The following SYNPO2 variants were observed in gnomAD, a reference collection of about 807,000 sequenced individuals.
SYNPO2 encodes the protein synaptopodin-2.
A neutral mutation model predicts 85.0 loss-of-function variants in SYNPO2; 56 were observed. The observed-to-expected ratio is 0.66, with a 90% CI of 0.53 to 0.82. The LOEUF (loss-of-function observed/expected upper bound fraction) is 0.82, where lower values mean the gene tolerates loss of function less well. SYNPO2 is among the 40% of genes least tolerant of loss of function. The probability of loss-of-function intolerance (pLI) is 0.00; values close to 1 mark genes in which losing one functional copy is unlikely to be tolerated. For synonymous variants in SYNPO2, 602 were observed against 591.1 expected, an observed-to-expected ratio of 1.02 and a Z score of -0.27; for missense variants, 1,575 against 1,534.2, an observed-to-expected ratio of 1.03 and a Z score of -0.44.
intron 4 of SYNPO2, chr4:119,037,355 A>C: frequency 8.0e-7 from 1 of 1,253,368 alleles, no homozygotes. Flanking sequence ...AATTTCAAAA[A>C]TCAAAAGTTT....
At chr4:118,937,587 T>A (rs1397366077) in intron 1 of SYNPO2, among the ~76,000 whole-genome samples, 5 of 152,100 alleles carry the variant, frequency 3.3e-5, no homozygotes, top group Non-Finnish European at 7.4e-5. Flanking sequence ...ATCTCCAGGG[T>A]GTAATCAGAT....
At chr4:118,911,160 G>A (rs570804066) in intron 1 of SYNPO2, among the ~76,000 whole-genome samples, 42 of 152,134 alleles carry the variant, frequency 2.8e-4, no homozygotes, top group African/African-American at 8.9e-4. Context: ...TTTAGTCCTC[G>A]GATGAAGCAA....
At chr4:118,872,131 T>C (rs2110572993) in intron 1 of SYNPO2, among the ~76,000 whole-genome samples, 1 of 152,358 alleles carries the variant, frequency 6.6e-6, no homozygotes, top group South Asian at 2.1e-4. Flanking sequence ...TTTTTTTCTT[T>C]GCGTAAATGA....
intron 4 of SYNPO2, among the ~76,000 whole-genome samples, chr4:119,040,541 A>G (rs1457571107): frequency 6.6e-6 from 1 of 152,234 alleles, no homozygotes; most frequent in Non-Finnish European, 1.5e-5. Context: ...CAATATTTTT[A>G]TAAAATAACA....
chr4:118,970,726 G>A (rs1049316254), intron 1 of SYNPO2, among the ~76,000 whole-genome samples: 5 of 152,188 alleles, frequency 3.3e-5, no homozygotes, highest in Admixed American at 1.3e-4. Context: ...GAACCAAGGT[G>A]GGTGGATTTG....
intron 1 of SYNPO2, among the ~76,000 whole-genome samples, chr4:119,008,665 T>G (rs1415448781): frequency 1.3e-5 from 2 of 152,208 alleles, no homozygotes; most frequent in Non-Finnish European, 2.9e-5. Flanking sequence ...AAACAATTTT[T>G]AAGATTATAA....
At chr4:119,035,247 A>C (rs1391307522) in intron 4 of SYNPO2, 1 of 985,296 alleles carries the variant, frequency 1.0e-6, no homozygotes. Flanking sequence ...TCCTGACGGG[A>C]ATGTTGTGCT....
At chr4:119,005,889 C>G (rs1737014910) in intron 1 of SYNPO2, 1 of 152,192 alleles carries the variant, frequency 6.6e-6, no homozygotes, top group Non-Finnish European at 1.5e-5. Context: ...AGTCTAGGAA[C>G]ATTAAAATCC....
At chr4:118,857,990 A>G (rs1030929895) in intron 1 of SYNPO2, among the ~76,000 whole-genome samples, 5 of 152,166 alleles carry the variant, frequency 3.3e-5, no homozygotes, top group African/African-American at 1.2e-4. Flanking sequence ...CTTTCATGTT[A>G]TTGAAAAACA....
intron 4 of SYNPO2, chr4:119,038,429 C>T: frequency 1.0e-6 from 1 of 984,564 alleles, no homozygotes; most frequent in Non-Finnish European, 1.2e-6. Flanking sequence ...CTTTCATTTT[C>T]TTATTTCAGA....
chr4:118,879,380 A>C (rs1287987286), intron 1 of SYNPO2, among the ~76,000 whole-genome samples: 2 of 152,182 alleles, frequency 1.3e-5, no homozygotes, highest in Non-Finnish European at 2.9e-5. Context: ...TGAATCCTAA[A>C]TCCCCAGTGT....
chr4:119,046,232 C>T (rs1738863619), intron 4 of SYNPO2, among the ~76,000 whole-genome samples: 1 of 152,122 alleles, frequency 6.6e-6, no homozygotes, highest in Admixed American at 6.5e-5. Context: ...AAAGAGACAA[C>T]AAAAGTATAT....
chr4:118,867,032 A>G (rs1161876142), intron 1 of SYNPO2, among the ~76,000 whole-genome samples: 1 of 152,106 alleles, frequency 6.6e-6, no homozygotes, highest in Non-Finnish European at 1.5e-5. Flanking sequence ...ACTGAAACTT[A>G]GGGGCCAAAT....
chr4:119,039,128 G>A (rs1335360754), intron 4 of SYNPO2, among the ~76,000 whole-genome samples: 2 of 152,128 alleles, frequency 1.3e-5, no homozygotes. Context: ...CTTAAGATGT[G>A]CTAGGTACCA....
chr4:118,965,197 G>T (rs185567214), intron 1 of SYNPO2, among the ~76,000 whole-genome samples: 1 of 152,204 alleles, frequency 6.6e-6, no homozygotes, highest in Admixed American at 6.5e-5. Flanking sequence ...AACTTGAACT[G>T]AGAGTTTTTG....
chr4:119,055,690 C>T (rs1014981188), intron 4 of SYNPO2, among the ~76,000 whole-genome samples: 1 of 152,080 alleles, frequency 6.6e-6, no homozygotes, highest in Non-Finnish European at 1.5e-5. Flanking sequence ...AGTCAGGATT[C>T]CCCACACCTC....
chr4:118,864,809 A>G (rs1731673177), intron 1 of SYNPO2, among the ~76,000 whole-genome samples: 1 of 151,902 alleles, frequency 6.6e-6, no homozygotes, highest in Non-Finnish European at 1.5e-5. Context: ...ATCTTTTTTT[A>G]TCCCTTCATT....
chr4:118,898,135 A>G (rs1578528929), intron 1 of SYNPO2, among the ~76,000 whole-genome samples: 1 of 151,972 alleles, frequency 6.6e-6, no homozygotes, highest in Non-Finnish European at 1.5e-5. Flanking sequence ...TGAAGCAAAA[A>G]CCTTCAAGCA....
intron 4 of SYNPO2, among the ~76,000 whole-genome samples, chr4:119,054,103 C>T (rs1349263409): frequency 2.0e-5 from 3 of 152,238 alleles, no homozygotes; most frequent in African/African-American, 4.8e-5. Flanking sequence ...TGCTCAACCC[C>T]TTGAGGGAGG....
Sources: gnomAD v4.1 joint callset for allele counts (sites outside exome capture counted in the v4.1 genomes callset) on GRCh38, gnomAD v4.1.1 for gene constraint, MANE v1.5 for transcripts, NCBI Gene and HGNC (gene_info 2026-07-23, HGNC 2026-07-21) for gene names.